The following ITGA9 variants were observed in gnomAD, a reference collection of about 807,000 sequenced individuals.
ITGA9 encodes integrin subunit alpha 9.
A neutral mutation model predicts 127.8 loss-of-function variants in ITGA9; 56 were observed. The observed-to-expected ratio is 0.44, with a 90% confidence interval of 0.35 to 0.55. The LOEUF (loss-of-function observed/expected upper bound fraction) is 0.55, where lower values mean the gene tolerates loss of function less well. ITGA9 is among the 20% of genes least tolerant of loss of function. The probability of loss-of-function intolerance (pLI) is 0.00; values close to 1 mark genes in which losing one functional copy is unlikely to be tolerated. For synonymous variants in ITGA9, 508 were observed against 514.5 expected (o/e 0.99, Z 0.17); for missense variants, 1,196 against 1,347.1 (o/e 0.89, Z 1.76).
chr3:37,630,641 A>C (rs1427117325), intron 16 of ITGA9, among the ~76,000 whole-genome samples: 2 of 152,230 alleles, frequency 1.3e-5, no homozygotes, highest in East Asian at 3.9e-4. Context: ...GTGAGCCATA[A>C]GCAGCCTACA....
At chr3:37,484,214 G>A (rs1346481168) in intron 4 of ITGA9, among the ~76,000 whole-genome samples, 20 of 152,178 alleles carry the variant, frequency 1.3e-4, no homozygotes, top group Admixed American at 1.3e-3. Context: ...GGCATGTGGA[G>A]TATTGGGGTG....
intron 5 of ITGA9, among the ~76,000 whole-genome samples, chr3:37,495,810 A>G (rs1698722141): frequency 1.3e-5 from 2 of 152,258 alleles, no homozygotes; most frequent in South Asian, 4.1e-4. Context: ...AGAACACTTT[A>G]TCACCCAGCC....
chr3:37,522,258 A>G (rs1699051555), intron 11 of ITGA9, among the ~76,000 whole-genome samples: 1 of 152,156 alleles, frequency 6.6e-6, no homozygotes, highest in South Asian at 2.1e-4. Context: ...TAAAGGCAGA[A>G]GGAGTAGGTC....
chr3:37,594,590 C>G (rs1699851539), intron 15 of ITGA9, among the ~76,000 whole-genome samples: 1 of 152,074 alleles, frequency 6.6e-6, no homozygotes, highest in African/African-American at 2.4e-5. Context: ...AGCCCCATGG[C>G]CAGGATTTGA....
chr3:37,629,532 G>A lies in ITGA9; in HGVS notation c.1839+196G>A. ...GTCTTAGGGGTTACTTGTGACTACT[G>A]TGGGACTTAAACACTTTCAGACAAT... On this transcript the variant is annotated intron_variant, in intron 16 of 27. Coordinates refer to ENST00000264741, the MANE Select transcript of ITGA9 (RefSeq NM_002207.3). This position sits in a 1 kb window ranked among gnomAD's most constrained non-coding sequence, Gnocchi z 4.5. 6.0e-6 allele frequency: 4 copies of A among 671,378 alleles called. No homozygotes were observed. In the South Asian group the frequency reaches 6.6e-5, roughly 11 times the overall value. The allele number at this position is 671,378 out of a possible 1,614,324, so 41.6% of individuals were successfully genotyped here.
intron 15 of ITGA9, among the ~76,000 whole-genome samples, chr3:37,572,793 G>A (rs1030855079): frequency 8.5e-5 from 13 of 152,276 alleles, no homozygotes; most frequent in Middle Eastern, 6.8e-3. Flanking sequence ...GAGGAAAATG[G>A]CACAGTTCTA....
At chr3:37,775,803 A>G (rs925568066) in intron 23 of ITGA9, among the ~76,000 whole-genome samples, 2 of 152,188 alleles carry the variant, frequency 1.3e-5, no homozygotes, top group Non-Finnish European at 2.9e-5. Context: ...AGAACTGCCA[A>G]TTAACCCAGC....
Position 37,821,111 on chromosome 3 carries a change from T to A in ITGA9, c.*2122T>A, listed in dbSNP as rs1043695125. Reference sequence around the variant, plus strand: ...CTCATGCTTCTCTTCCTGGTGAACATGGGAATAGACCAAAAAAATCAAGGG... The same window carrying A: ...CTCATGCTTCTCTTCCTGGTGAACAAGGGAATAGACCAAAAAAATCAAGGG... On this transcript the variant is annotated 3_prime_UTR_variant, in exon 28 of 28. Transcript: ENST00000264741. 10 of 152,076 alleles carry A rather than the reference T, an allele frequency of 6.6e-5. No individual in the cohort carries two copies. The highest frequency in any genetic ancestry group is 6.5e-4 in the Admixed American group (10 of 15,276). The allele number at this position is 152,076 out of a possible 1,614,324, so 9.4% of individuals were successfully genotyped here. A position where few individuals can be genotyped will look rare whatever the true frequency, so the allele number is the denominator to read the frequency against.
Position 37,814,480 on chromosome 3 carries a change from G to A in ITGA9, c.3010-4411G>A, listed in dbSNP as rs1254608418. On this transcript the variant is annotated intron_variant, in intron 27 of 27. Coordinates refer to ENST00000264741, the MANE Select transcript of ITGA9 (RefSeq NM_002207.3). This position sits in a 1 kb window ranked among gnomAD's most constrained non-coding sequence, Gnocchi z 4.3. ...CTTGGGAGGCTGAGGCAGGAGAATC[G>A]CTTGAACCCGAGAGGTGGAGGTTGC... Among the ~76,000 whole-genome samples, 4 of 152,156 alleles carry A rather than the reference G, an allele frequency of 2.6e-5. No homozygotes were observed. Among genetic ancestry groups the A allele is most frequent in the Non-Finnish European group, 4.4e-5 (3 of 68,022 alleles).
At chr3:37,512,465 G>T (rs931027416) in intron 8 of ITGA9, among the ~76,000 whole-genome samples, 1 of 151,638 alleles carries the variant, frequency 6.6e-6, no homozygotes. Context: ...TGATCCACCC[G>T]CCTCCCAAAG....
At chr3:37,741,985 C>T (rs1057129924) in intron 21 of ITGA9, among the ~76,000 whole-genome samples, 166 bp downstream of exon 21, 1 of 152,248 alleles carries the variant, frequency 6.6e-6, no homozygotes, top group Non-Finnish European at 1.5e-5. Context: ...GTAACTCATA[C>T]ACTCCTCCCT....
intron 15 of ITGA9, among the ~76,000 whole-genome samples, chr3:37,628,279 G>A (rs1700196428): frequency 6.6e-6 from 1 of 152,114 alleles, no homozygotes; most frequent in Non-Finnish European, 1.5e-5. Flanking sequence ...CCCCCGCCGA[G>A]CTCACTGTCT....
At chr3:37,739,959 C>G (rs1211583134) in intron 20 of ITGA9, among the ~76,000 whole-genome samples, 1 of 152,216 alleles carries the variant, frequency 6.6e-6, no homozygotes, top group African/African-American at 2.4e-5. Flanking sequence ...GCACCTGATC[C>G]TGCTGCTTTT....
chr3:37,696,746 G>A (rs1227747976), intron 18 of ITGA9, among the ~76,000 whole-genome samples: 2 of 152,204 alleles, frequency 1.3e-5, no homozygotes, highest in Non-Finnish European at 1.5e-5. Flanking sequence ...GGTAGCCACA[G>A]CACAATTCTA....
chr3:37,498,055 G>A (rs553839955), intron 5 of ITGA9, among the ~76,000 whole-genome samples: 2 of 152,332 alleles, frequency 1.3e-5, no homozygotes, highest in Admixed American at 1.3e-4. Context: ...AGGGAGCTGT[G>A]GGGTAGAGGA....
intron 18 of ITGA9, among the ~76,000 whole-genome samples, chr3:37,708,696 C>CACAGGACAGCT (rs1553660422): frequency 6.8e-4 from 103 of 151,492 alleles, no homozygotes; most frequent in South Asian, 1.3e-3. Context: ...AATTATCCAG[C>CACAGGACAGCT]CCCAATGCCA....
chr3:37,692,604 A>AT (rs942379356), intron 18 of ITGA9, among the ~76,000 whole-genome samples: 1 of 152,036 alleles, frequency 6.6e-6, no homozygotes, highest in Non-Finnish European at 1.5e-5. Context: ...GTGACTCCTG[A>AT]TTTTTTTAAA....
intron 23 of ITGA9, among the ~76,000 whole-genome samples, chr3:37,757,725 T>TA (rs541644789): frequency 2.0e-5 from 3 of 149,988 alleles, no homozygotes; most frequent in South Asian, 2.1e-4. Context: ...TGCATGAGGT[T>TA]AAAAAAAAAG....
At chr3:37,459,521 C>T (rs565826222) in intron 1 of ITGA9, among the ~76,000 whole-genome samples, 1 of 152,348 alleles carries the variant, frequency 6.6e-6, no homozygotes, top group African/African-American at 2.4e-5. Context: ...ACCTAATCAC[C>T]TCCCAAAGTC....
Sources: allele counts gnomAD v4.1 joint callset (sites outside exome capture counted in the v4.1 genomes callset), GRCh38; gene constraint gnomAD v4.1.1; non-coding constraint Gnocchi (gnomAD v3.1); transcripts MANE v1.5; gene names NCBI Gene and HGNC (gene_info 2026-07-23, HGNC 2026-07-21).